EPSTI1: variants seen among roughly 807,000 people sequenced by gnomAD.
The protein encoded by EPSTI1 is epithelial stromal interaction 1, also known as epithelial-stromal interaction protein 1.
Under a neutral mutation model 49.9 loss-of-function variants are expected in EPSTI1, and 66 were observed. The ratio of observed to expected loss-of-function variants is 1.32; its 90% confidence interval spans 1.08 to 1.62. EPSTI1 has a LOEUF of 1.62. EPSTI1 is among the 40% of genes most tolerant of loss of function. The pLI is 0.00. For missense variants in EPSTI1, 394 were observed against 365.5 expected (o/e 1.08, Z -0.64); for synonymous variants, 137 against 130.7 (o/e 1.05, Z -0.33).
intron 10 of EPSTI1, among the ~76,000 whole-genome samples, chr13:42,890,386 C>T (rs190145564): frequency 2.0e-4 from 30 of 151,300 alleles, no homozygotes; most frequent in African/African-American, 7.0e-4. Flanking sequence ...CAAGCTCCGC[C>T]TCCCAGGTTC....
chr13:42,985,873 C>G (rs2153436512), intron 1 of EPSTI1, among the ~76,000 whole-genome samples: 1 of 152,344 alleles, frequency 6.6e-6, no homozygotes, highest in East Asian at 1.9e-4. Context: ...GATTTTCTAG[C>G]CCCTCACCCT....
chr13:42,929,960 G>T (rs989356429), intron 6 of EPSTI1, among the ~76,000 whole-genome samples: 1 of 152,174 alleles, frequency 6.6e-6, no homozygotes, highest in Admixed American at 6.5e-5. Context: ...ATCATCTGTG[G>T]TGCTTCCTAG....
intron 8 of EPSTI1, among the ~76,000 whole-genome samples, chr13:42,908,184 C>T (rs1042385622): frequency 6.6e-6 from 1 of 152,170 alleles, no homozygotes; most frequent in Admixed American, 6.6e-5. Flanking sequence ...TAGGAAAGTA[C>T]TAGAAGAGAA....
intron 1 of EPSTI1, among the ~76,000 whole-genome samples, chr13:42,976,823 CACAATT>C (rs1292670726): frequency 6.6e-6 from 1 of 152,166 alleles, no homozygotes. Context: ...TCTCAAACAC[CACAATT>C]ACAATTTTAT....
intron 9 of EPSTI1, among the ~76,000 whole-genome samples, chr13:42,897,755 C>T (rs1450591492): frequency 6.6e-6 from 1 of 152,186 alleles, no homozygotes; most frequent in African/African-American, 2.4e-5. Flanking sequence ...ATGTCCACAG[C>T]AGTGTGAGTC....
intron 1 of EPSTI1, among the ~76,000 whole-genome samples, chr13:42,978,527 G>A (rs1473431787): frequency 1.3e-5 from 2 of 152,210 alleles, no homozygotes; most frequent in African/African-American, 2.4e-5. Context: ...GCCCTGAGCA[G>A]TTCCCAGCTT....
intron 5 of EPSTI1, among the ~76,000 whole-genome samples, chr13:42,960,505 GGAAAA>G (rs1425279036): frequency 1.3e-5 from 2 of 152,026 alleles, no homozygotes; most frequent in Admixed American, 1.3e-4. Flanking sequence ...TAGATTTCTT[GGAAAA>G]GAAATTAATG....
chr13:42,912,221 C>CTT (rs2153416346), intron 8 of EPSTI1, among the ~76,000 whole-genome samples: 1 of 152,320 alleles, frequency 6.6e-6, no homozygotes, highest in African/African-American at 2.4e-5. Flanking sequence ...TAAATTGGAG[C>CTT]TAAGTCCACC....
Position 42,910,838 on chromosome 13 carries a change from G to A in EPSTI1, c.741+6703C>T, listed in dbSNP as rs189910845. 2.0e-5 allele frequency among the ~76,000 whole-genome samples: 3 copies of A among 152,234 alleles called. No homozygotes were observed. In the South Asian group the frequency reaches 6.2e-4, roughly 32 times the overall value. On this transcript the variant is annotated intron_variant, in intron 8 of 10. Coordinates refer to ENST00000313624, the MANE Select transcript of EPSTI1 (RefSeq NM_033255.5). The stretch of plus-strand genomic sequence containing the variant: ...TAATACTGGGTAACAACCAAGTTTG[G>A]TAGGGGTTGCAAACATCCTTATGTT...
intron 6 of EPSTI1, among the ~76,000 whole-genome samples, chr13:42,939,077 C>T (rs574200030): frequency 1.3e-5 from 2 of 152,206 alleles, no homozygotes; most frequent in South Asian, 4.1e-4. Context: ...ATGAACCAAC[C>T]TCTGCTAGTT....
intron 6 of EPSTI1, among the ~76,000 whole-genome samples, chr13:42,931,433 C>T (rs1305500383): frequency 1.3e-5 from 2 of 151,656 alleles, no homozygotes; most frequent in African/African-American, 2.4e-5. Flanking sequence ...TCTCGATCTC[C>T]TGACCTCATG....
At chr13:42,942,513 T>C (rs2038785099) in intron 6 of EPSTI1, among the ~76,000 whole-genome samples, 2 of 152,106 alleles carry the variant, frequency 1.3e-5, no homozygotes, top group African/African-American at 4.8e-5. Context: ...TTTATTTTTC[T>C]ATCAATCTCT....
intron 7 of EPSTI1, among the ~76,000 whole-genome samples, chr13:42,923,352 G>A (rs1415866546): frequency 1.3e-5 from 2 of 152,126 alleles, no homozygotes; most frequent in Admixed American, 1.3e-4. Context: ...TTTCAGCCCA[G>A]GAGTTTGAGA....
chr13:42,948,011 C>T (rs531372537), intron 6 of EPSTI1, among the ~76,000 whole-genome samples: 113 of 152,360 alleles, frequency 7.4e-4, no homozygotes, highest in Non-Finnish European at 1.4e-3. Flanking sequence ...ACAGAGGTGG[C>T]GGAGTTGGGT....
intron 10 of EPSTI1, among the ~76,000 whole-genome samples, chr13:42,893,885 T>C (rs536147267): frequency 6.6e-6 from 1 of 152,346 alleles, no homozygotes; most frequent in East Asian, 1.9e-4. Context: ...CCTACTCACA[T>C]ACTGTTACAA....
At chr13:42,961,562 C>T (rs2039450852) in intron 5 of EPSTI1, among the ~76,000 whole-genome samples, 1 of 152,200 alleles carries the variant, frequency 6.6e-6, no homozygotes, top group Admixed American at 6.5e-5. Context: ...ACTGACATGA[C>T]TGGATACTAA....
chr13:42,939,176 T>A (rs1221025916), intron 6 of EPSTI1, among the ~76,000 whole-genome samples: 3 of 152,212 alleles, frequency 2.0e-5, no homozygotes, highest in Non-Finnish European at 4.4e-5. Flanking sequence ...AGGCTTTGGC[T>A]TAAGGGAATG....
intron 3 of EPSTI1, among the ~76,000 whole-genome samples, chr13:42,965,469 T>C (rs1481949899): frequency 6.6e-6 from 1 of 152,112 alleles, no homozygotes; most frequent in African/African-American, 2.4e-5. Flanking sequence ...TAATGGCCCC[T>C]CAAAGCAGGA....
chr13:42,947,469 C>T (rs1353498069), intron 6 of EPSTI1, among the ~76,000 whole-genome samples: 1 of 152,224 alleles, frequency 6.6e-6, no homozygotes, highest in African/African-American at 2.4e-5. Flanking sequence ...CTCTTATCCA[C>T]TGAACAATTG....
Sources: allele counts gnomAD v4.1 joint callset (sites outside exome capture counted in the v4.1 genomes callset), GRCh38; gene constraint gnomAD v4.1.1; transcripts MANE v1.5; gene names NCBI Gene and HGNC (gene_info 2026-07-23, HGNC 2026-07-21).